Variants in MDN1 observed in about 807,000 individuals in gnomAD.
MDN1 encodes the protein midasin AAA ATPase 1.
Under a neutral mutation model 669.2 loss-of-function variants are expected in MDN1, and 266 were observed. The observed-to-expected ratio is 0.40, with a 90% CI of 0.36 to 0.44. MDN1 has a LOEUF of 0.44. Ranked by LOEUF, MDN1 falls within the 20% of genes least tolerant of loss-of-function variation. The pLI, the probability that MDN1 is intolerant of heterozygous loss-of-function variation, is 1.00. For synonymous variants in MDN1, 2,385 were observed against 2,457.1 expected (o/e 0.97, Z 0.87); for missense variants, 5,940 against 6,754.0 (o/e 0.88, Z 4.22).
intron 15 of MDN1, among the ~76,000 whole-genome samples, chr6:89,766,102 C>A (rs1817789446): frequency 6.6e-6 from 1 of 152,100 alleles, no homozygotes; most frequent in Non-Finnish European, 1.5e-5. Context: ...TGAGACCAAC[C>A]TAGCTAGCCA....
At chr6:89,656,553 C>T (rs150009651) in intron 91 of MDN1, 147 bp downstream of exon 91, 87 of 671,840 alleles carry the variant, frequency 1.3e-4, no homozygotes, top group African/African-American at 1.3e-3. Context: ...TCGTGGTCTG[C>T]TCACCAAGGC....
chr6:89,706,039 A>G lies in MDN1; in HGVS notation c.8148+20T>C. On this transcript the variant is annotated intron_variant, in intron 53 of 101. Transcript: ENST00000369393. ...GATAAATTTTGTTGTTTAAAAATAA[A>G]ACAAGATGCAGTTCCTTACCTCATT... 6.5e-7 allele frequency: 1 copy of G among 1,543,788 alleles called. No individual in the cohort carries two copies. Among genetic ancestry groups the G allele is most frequent in the Non-Finnish European group, 8.8e-7 (1 of 1,141,970 alleles).
At chr6:89,758,178 G>T in intron 19 of MDN1, 77 bp downstream of exon 19, 1 of 1,154,314 alleles carries the variant, frequency 8.7e-7, no homozygotes, top group African/African-American at 1.5e-5. Context: ...CCAAGATCAC[G>T]CCACTGCACT....
intron 3 of MDN1, 74 bp downstream of exon 3, chr6:89,794,503 T>C (rs1307001957): frequency 7.1e-7 from 1 of 1,407,046 alleles, no homozygotes; most frequent in African/African-American, 1.4e-5. Flanking sequence ...CTTTCCCTCC[T>C]GACACACACA....
At position 89,643,191 on chromosome 6, in the gene MDN1, G is replaced by A. The variant is rs893184556; in HGVS notation, c.*814C>T. 13 of 151,908 alleles carry A rather than the reference G, an allele frequency of 8.6e-5. No homozygotes were observed. The highest frequency in any genetic ancestry group is 2.9e-4 in the African/African-American group (12 of 41,314). 9.4% of individuals were successfully genotyped at this position (151,908 alleles called of 1,614,324 possible). The stretch of plus-strand genomic sequence containing the variant: ...GCTCAGTCCAGCTTGAAAGCAGTGT[G>A]AGGAATCACTCTTCCCCTTGACTGT... On this transcript the variant is annotated 3_prime_UTR_variant, in exon 102 of 102. Transcript: ENST00000369393.
chr6:89,722,572 G>T (rs2128313684), intron 40 of MDN1, among the ~76,000 whole-genome samples: 1 of 152,290 alleles, frequency 6.6e-6, no homozygotes, highest in South Asian at 2.1e-4. Context: ...TTGCTAGCCG[G>T]GCGTGGTGGC....
intron 95 of MDN1, among the ~76,000 whole-genome samples, chr6:89,651,629 A>C (rs1808878889): frequency 6.6e-6 from 1 of 152,184 alleles, no homozygotes; most frequent in African/African-American, 2.4e-5. Flanking sequence ...AAAATGAAAA[A>C]AAGTAAAAAT....
chr6:89,779,465 T>C (rs950194022), intron 11 of MDN1, among the ~76,000 whole-genome samples: 1 of 152,118 alleles, frequency 6.6e-6, no homozygotes, highest in African/African-American at 2.4e-5. Flanking sequence ...CAGAAACCCA[T>C]CCTGGATTTA....
chr6:89,660,784 T>C (rs1470894835), intron 88 of MDN1, among the ~76,000 whole-genome samples: 1 of 152,222 alleles, frequency 6.6e-6, no homozygotes, highest in Non-Finnish European at 1.5e-5. Context: ...TTTATAACTA[T>C]GTAACTGACT....
chr6:89,809,713 T>G (rs1768253903), intron 1 of MDN1, among the ~76,000 whole-genome samples: 1 of 149,796 alleles, frequency 6.7e-6, no homozygotes, highest in Non-Finnish European at 1.5e-5. Flanking sequence ...GAAGCAGAGG[T>G]TGCAGTAAGC....
chr6:89,758,413 A>G, intron 18 of MDN1, 62 bp from the exon 19 acceptor site: 1 of 1,374,740 alleles, frequency 7.3e-7, no homozygotes. Context: ...ACAGAACCCC[A>G]GGCCCAGCCA....
Position 89,758,802 on chromosome 6 carries a change from G to A in MDN1, c.2605+14C>T. ...CTTGACACCAAGTCAAATCCCAAGGGATTCAAGTGCTACCTGTGTCTCCTC... is the reference window on the plus strand; with the variant it reads ...CTTGACACCAAGTCAAATCCCAAGGAATTCAAGTGCTACCTGTGTCTCCTC... On this transcript the variant is annotated intron_variant, in intron 18 of 101. Coordinates refer to ENST00000369393, the MANE Select transcript of MDN1 (RefSeq NM_014611.3). 1 of 1,613,870 alleles carries A rather than the reference G, an allele frequency of 6.2e-7. No individual in the cohort carries two copies. The highest frequency in any genetic ancestry group is 1.6e-4 in the Middle Eastern group (1 of 6,062).
In MDN1 at chr6:89,764,226, T is replaced by A. The variant is rs546998626; in HGVS notation, c.2145-1696A>T. ...GCAAGAACTCATCCCTTTATAAAAA[T>A]TTTTTTGAGCACCTGCTATACGTGT... On this transcript the variant is annotated intron_variant, in intron 15 of 101. Coordinates refer to ENST00000369393, the MANE Select transcript of MDN1 (RefSeq NM_014611.3). Among the ~76,000 whole-genome samples, 4 of 152,212 alleles carry A rather than the reference T, an allele frequency of 2.6e-5. No individual in the cohort carries two copies. The East Asian group carries it at 7.7e-4, about 29-fold the overall frequency.
Position 89,696,345 on chromosome 6 carries a change from AG to A in MDN1, c.9383+14del. 6.2e-7 allele frequency: 1 copy of A among 1,612,470 alleles called. No homozygotes were observed. The highest frequency in any genetic ancestry group is 2.2e-5 in the East Asian group (1 of 44,854). On this transcript the variant is annotated intron_variant, in intron 60 of 101. Transcript: ENST00000369393. ...GACAGGAACTTTACAGTCTGCTTCC[AG>A]GGCGAGGGAATACCTGAATTCTGCT...
intron 74 of MDN1, among the ~76,000 whole-genome samples, chr6:89,679,870 T>C (rs1462664176): frequency 6.6e-6 from 1 of 152,166 alleles, no homozygotes; most frequent in East Asian, 1.9e-4. Flanking sequence ...GCGCATCCCC[T>C]CTCCAGGAGA....
Position 89,751,593 on chromosome 6 carries a change from C to G in MDN1, c.3076-11G>C, listed in dbSNP as rs747673136. The G allele has an allele frequency of 1.9e-6, 3 of 1,611,686 alleles. No individual in the cohort carries two copies. In the South Asian group the frequency reaches 3.3e-5, roughly 18 times the overall value. On this transcript the variant is annotated splice_polypyrimidine_tract_variant and intron_variant, in intron 22 of 101. Coordinates refer to ENST00000369393, the MANE Select transcript of MDN1 (RefSeq NM_014611.3). ...TGGCTCTGGAATAGGCTGAAAGACA[C>G]AGAAGTTCAAGGAATAACCCACAGT...
chr6:89,662,276 C>G (rs767232321), intron 86 of MDN1, 37 bp from the exon 87 acceptor site: 1 of 1,590,042 alleles, frequency 6.3e-7, no homozygotes, highest in Non-Finnish European at 8.5e-7. Flanking sequence ...TCATCACACT[C>G]AATCCAAGAA....
chr6:89,698,854 G>A lies in MDN1; in HGVS notation c.9168+11C>T. 6.2e-7 allele frequency: 1 copy of A among 1,611,652 alleles called. No individual in the cohort carries two copies. The highest frequency in any genetic ancestry group is 8.5e-7 in the Non-Finnish European group (1 of 1,179,376). On this transcript the variant is annotated intron_variant, in intron 59 of 101. Transcript: ENST00000369393. ...CTATCAAACATTTTTTATAATTTTA[G>A]ACCAACAAACCTTCAATGTGGAGTC...
chr6:89,728,848 C>A, intron 36 of MDN1, 83 bp downstream of exon 36: 1 of 1,377,464 alleles, frequency 7.3e-7, no homozygotes, highest in South Asian at 1.3e-5. Context: ...ATAATGTAAT[C>A]ATTTCTGATT....
Sources: allele counts gnomAD v4.1 joint callset (sites outside exome capture counted in the v4.1 genomes callset), GRCh38; gene constraint gnomAD v4.1.1; transcripts MANE v1.5; gene names NCBI Gene and HGNC (gene_info 2026-07-23, HGNC 2026-07-21).